GALNTL6: variants seen among roughly 807,000 people sequenced by gnomAD.
GALNTL6 encodes polypeptide N-acetylgalactosaminyltransferase like 6, also known as polypeptide N-acetylgalactosaminyltransferase-like 6.
GALNTL6 carries 46 observed loss-of-function variants against 73.7 expected under a neutral mutation model. The observed-to-expected ratio is 0.62, with a 90% confidence interval of 0.49 to 0.80. GALNTL6 has a LOEUF of 0.80. Ranked by LOEUF, GALNTL6 falls within the 30% of genes least tolerant of loss-of-function variation. GALNTL6 has a pLI of 0.00. For synonymous variants in GALNTL6, 259 were observed against 263.7 expected, an observed-to-expected ratio of 0.98 and a Z score of 0.17; for missense variants, 604 against 755.0, an observed-to-expected ratio of 0.80 and a Z score of 2.34.
At chr4:172,181,486 A>G (rs531431326) in intron 2 of GALNTL6, among the ~76,000 whole-genome samples, 64 of 152,274 alleles carry the variant, frequency 4.2e-4, no homozygotes, top group Admixed American at 9.2e-4. Flanking sequence ...CCCACAGCCA[A>G]TATCATACTG....
intron 5 of GALNTL6, among the ~76,000 whole-genome samples, chr4:172,708,306 A>G (rs1248603365): frequency 5.9e-5 from 9 of 152,140 alleles, no homozygotes; most frequent in Non-Finnish European, 1.3e-4. Context: ...AATCCGCCCA[A>G]CTTAGCCTAT....
At chr4:172,883,300 T>C (rs1480409565) in intron 8 of GALNTL6, among the ~76,000 whole-genome samples, 1 of 152,188 alleles carries the variant, frequency 6.6e-6, no homozygotes, top group Admixed American at 6.5e-5. Context: ...TATAAGGCCA[T>C]TTTTGCATTG....
intron 5 of GALNTL6, among the ~76,000 whole-genome samples, chr4:172,708,236 C>T (rs1052301466): frequency 2.0e-5 from 3 of 152,152 alleles, no homozygotes; most frequent in African/African-American, 7.2e-5. Flanking sequence ...TTTTTAGAAA[C>T]GTGGAGTTTT....
chr4:172,792,309 A>G (rs1168142714), intron 5 of GALNTL6, among the ~76,000 whole-genome samples: 1 of 140,922 alleles, frequency 7.1e-6, no homozygotes, highest in Non-Finnish European at 1.5e-5. Flanking sequence ...TTAATTACAT[A>G]TACACACATA....
intron 2 of GALNTL6, chr4:171,815,698 TACCTTCC>T (rs1734507806): frequency 6.6e-6 from 1 of 152,194 alleles, no homozygotes; most frequent in South Asian, 2.1e-4. Flanking sequence ...GAACACTCTG[TACCTTCC>T]ACACATAGAA....
In GALNTL6 at chr4:172,069,482, A is replaced by G. The variant is rs1444985535; in HGVS notation, c.139-160174A>G. On this transcript the variant is annotated intron_variant, in intron 2 of 12. Transcript: ENST00000506823. ...CACACATATAACATATATGTTATAT[A>G]TAACACATATGTTATATGTATAACA... Among the ~76,000 whole-genome samples the G allele has an allele frequency of 6.6e-5, 2 of 30,332 alleles. 1 individual carries two copies. The highest frequency in any genetic ancestry group is 2.3e-4 in the Non-Finnish European group (2 of 8,518). The allele number at this position is 30,332 out of a possible 152,430, so 19.9% of individuals were successfully genotyped here. A position where few individuals can be genotyped will look rare whatever the true frequency, so the allele number is the denominator to read the frequency against.
chr4:172,195,937 T>A (rs1735749844), intron 2 of GALNTL6, among the ~76,000 whole-genome samples: 2 of 142,074 alleles, frequency 1.4e-5, no homozygotes, highest in East Asian at 2.1e-4. Context: ...ATAACTAAGA[T>A]CAGAGCAGAA....
intron 2 of GALNTL6, among the ~76,000 whole-genome samples, chr4:172,055,496 T>C (rs1167065304): frequency 6.6e-6 from 1 of 152,170 alleles, no homozygotes; most frequent in African/African-American, 2.4e-5. Flanking sequence ...GGCTCTTTGG[T>C]AAAAATTAGA....
chr4:172,854,688 T>A (rs1188805965), intron 7 of GALNTL6, among the ~76,000 whole-genome samples: 1 of 152,192 alleles, frequency 6.6e-6, no homozygotes, highest in Non-Finnish European at 1.5e-5. Context: ...CCAAACTAAA[T>A]TTCTCCTTCT....
At chr4:172,337,535 G>T (rs1472301155) in intron 4 of GALNTL6, among the ~76,000 whole-genome samples, 1 of 151,984 alleles carries the variant, frequency 6.6e-6, no homozygotes, top group Non-Finnish European at 1.5e-5. Context: ...TGCTTAAAAA[G>T]CTTAGTTTAG....
At chr4:172,574,876 AT>A (rs903912331) in intron 5 of GALNTL6, among the ~76,000 whole-genome samples, 36 of 152,184 alleles carry the variant, frequency 2.4e-4, no homozygotes, top group African/African-American at 8.2e-4. Context: ...AATAAGATAT[AT>A]TTTTAGAGAG....
intron 2 of GALNTL6, among the ~76,000 whole-genome samples, chr4:171,919,119 G>C (rs1188010982): frequency 2.0e-5 from 3 of 152,018 alleles, no homozygotes; most frequent in Non-Finnish European, 4.4e-5. Flanking sequence ...TTAAAATTTT[G>C]TTAAGATGGC....
intron 5 of GALNTL6, among the ~76,000 whole-genome samples, chr4:172,481,241 G>A (rs146842427): frequency 1.3e-5 from 2 of 150,658 alleles, no homozygotes; most frequent in Non-Finnish European, 1.5e-5. Context: ...CCTTCCTCCC[G>A]ACCCGAGTTG....
chr4:172,178,185 T>C (rs1388580841), intron 2 of GALNTL6, among the ~76,000 whole-genome samples: 3 of 152,140 alleles, frequency 2.0e-5, no homozygotes, highest in Admixed American at 1.3e-4. Context: ...ACCTAACTTA[T>C]AAAATTGTTA....
intron 2 of GALNTL6, among the ~76,000 whole-genome samples, chr4:172,147,713 A>G (rs2110753496): frequency 6.6e-6 from 1 of 152,324 alleles, no homozygotes; most frequent in East Asian, 1.9e-4. Flanking sequence ...AAATAAAAGT[A>G]TGCCTATCAA....
rs140181614 is a variant in GALNTL6 at position 172,495,279 on chromosome 4, C to G, written c.553+146590C>G. Among the ~76,000 whole-genome samples, 489 of 152,244 alleles carry G rather than the reference C, an allele frequency of 3.2e-3. 4 individuals are homozygous for G. Among genetic ancestry groups the G allele is most frequent in the Non-Finnish European group, 5.2e-3 (352 of 68,008 alleles). On this transcript the variant is annotated intron_variant, in intron 5 of 12. Transcript: ENST00000506823. ...AAGAAAAGAGACTCAAAGAAGAGTTCCAAGTACCATCGGTCAAGAGGCAGG... is the reference window on the plus strand; with the variant it reads ...AAGAAAAGAGACTCAAAGAAGAGTTGCAAGTACCATCGGTCAAGAGGCAGG...
intron 5 of GALNTL6, among the ~76,000 whole-genome samples, chr4:172,484,366 A>G (rs1733599721): frequency 6.6e-6 from 1 of 152,188 alleles, no homozygotes; most frequent in South Asian, 2.1e-4. Flanking sequence ...AATGTTTAAT[A>G]TAATAGCACC....
At chr4:173,024,457 CTT>C (rs572095365) in intron 12 of GALNTL6, among the ~76,000 whole-genome samples, 7 of 152,232 alleles carry the variant, frequency 4.6e-5, no homozygotes, top group African/African-American at 1.2e-4. Flanking sequence ...GAAAATTCCT[CTT>C]GTTTTTTCCA....
chr4:172,866,936 T>C (rs1039866215), intron 7 of GALNTL6, among the ~76,000 whole-genome samples: 3 of 152,208 alleles, frequency 2.0e-5, no homozygotes, highest in African/African-American at 7.2e-5. Flanking sequence ...AATAAATTGA[T>C]GTCTGAGAAT....
Sources: gnomAD v4.1 joint callset for allele counts (sites outside exome capture counted in the v4.1 genomes callset) on GRCh38, gnomAD v4.1.1 for gene constraint, MANE v1.5 for transcripts, NCBI Gene and HGNC (gene_info 2026-07-23, HGNC 2026-07-21) for gene names.